The following ABCB5 variants were observed in gnomAD, a reference collection of about 807,000 sequenced individuals.
ABCB5 encodes ATP-binding cassette sub-family B member 5.
In ABCB5, 155 loss-of-function variants were observed where a neutral mutation model predicts 144.2. The ratio of observed to expected loss-of-function variants is 1.08; its 90% confidence interval spans 0.94 to 1.23. ABCB5 has a LOEUF of 1.23. Ranked by LOEUF, ABCB5 falls within the 50% of genes most tolerant of loss-of-function variation. ABCB5 has a pLI of 0.00. For synonymous variants in ABCB5, 610 were observed against 528.6 expected (o/e 1.15, Z -2.11); for missense variants, 1,830 against 1,520.8 (o/e 1.20, Z -3.38).
chr7:20,682,288 C>A (rs1307258117), intron 15 of ABCB5, among the ~76,000 whole-genome samples: 3 of 152,172 alleles, frequency 2.0e-5, no homozygotes, highest in Non-Finnish European at 2.9e-5. Context: ...ATATAACACA[C>A]AGTCTTTACT....
chr7:20,681,004 TTCTTTCTTTCTTTCTTTC>T lies in ABCB5; in HGVS notation c.1708-499_1708-482del, dbSNP rs1270518464. Among the ~76,000 whole-genome samples, 3 of 3,926 alleles carry T rather than the reference TTCTTTCTTTCTTTCTTTC, an allele frequency of 7.6e-4. No homozygotes were observed. The South Asian group carries it at 0.045, about 59-fold the overall frequency. The allele number at this position is 3,926 out of a possible 152,430, so 2.6% of individuals were successfully genotyped here. On this transcript the variant is annotated intron_variant, in intron 14 of 27. Coordinates refer to ENST00000404938, the MANE Select transcript of ABCB5 (RefSeq NM_001163941.2). ...TTTCTTTCTTTCTTTCTTTCTTTCT[TTCTTTCTTTCTTTCTTTC>T]TTTCTTTCTTTCTCTTTCTTTCTTT...
chr7:20,694,808 G>T (rs1200178176), intron 16 of ABCB5, among the ~76,000 whole-genome samples: 13 of 151,950 alleles, frequency 8.6e-5, no homozygotes, highest in Non-Finnish European at 1.9e-4. Flanking sequence ...CAAGTGGGAA[G>T]TGGGAAATTA....
At chr7:20,711,794 T>C (rs76787446) in intron 20 of ABCB5, among the ~76,000 whole-genome samples, 38,478 of 84,958 alleles carry the variant, frequency 0.45, 11,678 homozygotes, top group East Asian at 0.63. Flanking sequence ...CTTTCTTTCT[T>C]TCTTTCTTTC....
At chr7:20,624,490 G>A (rs1783865819) in intron 2 of ABCB5, among the ~76,000 whole-genome samples, 1 of 152,160 alleles carries the variant, frequency 6.6e-6, no homozygotes, top group African/African-American at 2.4e-5. Context: ...AAATTAGAAT[G>A]GGGAGGTGGT....
intron 16 of ABCB5, among the ~76,000 whole-genome samples, chr7:20,691,826 A>G (rs1023132441): frequency 1.3e-5 from 2 of 152,042 alleles, no homozygotes; most frequent in African/African-American, 4.8e-5. Flanking sequence ...GCTCAGTAAC[A>G]TTTACGAGAA....
intron 19 of ABCB5, among the ~76,000 whole-genome samples, chr7:20,703,725 A>G (rs1485284458): frequency 1.3e-5 from 2 of 152,218 alleles, no homozygotes; most frequent in African/African-American, 2.4e-5. Context: ...GGAAACATTC[A>G]ATAGCTATAA....
At chr7:20,677,507 T>C (rs969126282) in intron 14 of ABCB5, among the ~76,000 whole-genome samples, 1 of 152,148 alleles carries the variant, frequency 6.6e-6, no homozygotes, top group African/African-American at 2.4e-5. Flanking sequence ...GGCAGGTGGA[T>C]CACCTGAGGT....
chr7:20,624,222 T>C (rs1424051452), intron 2 of ABCB5, among the ~76,000 whole-genome samples: 5 of 152,196 alleles, frequency 3.3e-5, no homozygotes, highest in African/African-American at 1.2e-4. Flanking sequence ...GCATTACCTG[T>C]GGACTGACTA....
chr7:20,654,667 T>C (rs1242602563), intron 13 of ABCB5, among the ~76,000 whole-genome samples: 1 of 152,120 alleles, frequency 6.6e-6, no homozygotes, highest in Non-Finnish European at 1.5e-5. Context: ...TCTCAGACCA[T>C]AATATAAGTA....
At chr7:20,672,867 A>T (rs944575987) in intron 14 of ABCB5, among the ~76,000 whole-genome samples, 4 of 150,668 alleles carry the variant, frequency 2.7e-5, no homozygotes, top group Non-Finnish European at 5.9e-5. Flanking sequence ...CAGACTGTTG[A>T]CTCCATTGCG....
chr7:20,654,977 T>C (rs1448911043), intron 13 of ABCB5, among the ~76,000 whole-genome samples: 1 of 149,020 alleles, frequency 6.7e-6, no homozygotes, highest in Non-Finnish European at 1.5e-5. Flanking sequence ...GAAATTACAG[T>C]AGAAATCAGT....
intron 14 of ABCB5, among the ~76,000 whole-genome samples, chr7:20,662,357 C>T (rs1389413563): frequency 6.6e-5 from 10 of 152,268 alleles, no homozygotes; most frequent in Non-Finnish European, 1.3e-4. Context: ...ATTTATACTA[C>T]TTAGAGGACT....
intron 14 of ABCB5, among the ~76,000 whole-genome samples, chr7:20,673,655 A>G (rs550102817): frequency 6.6e-6 from 1 of 151,974 alleles, no homozygotes; most frequent in East Asian, 1.9e-4. Context: ...GTTTCTTTAT[A>G]TTTAAAATGT....
intron 23 of ABCB5, among the ~76,000 whole-genome samples, chr7:20,738,146 T>C (rs1239992105): frequency 6.6e-6 from 1 of 152,232 alleles, no homozygotes; most frequent in Non-Finnish European, 1.5e-5. Context: ...TACTGCCTAA[T>C]GTTTAAATAT....
At chr7:20,661,030 T>C (rs1372799077) in intron 14 of ABCB5, among the ~76,000 whole-genome samples, 1 of 152,240 alleles carries the variant, frequency 6.6e-6, no homozygotes, top group Non-Finnish European at 1.5e-5. Flanking sequence ...TCACTTGGAC[T>C]ATTGCAGTAG....
chr7:20,619,030 C>T (rs888828216), intron 1 of ABCB5, among the ~76,000 whole-genome samples: 5 of 152,042 alleles, frequency 3.3e-5, no homozygotes, highest in African/African-American at 4.8e-5. Context: ...CTACTTCGGC[C>T]TCCCAAACTG....
intron 27 of ABCB5, among the ~76,000 whole-genome samples, chr7:20,754,290 C>A (rs956180885): frequency 1.3e-5 from 2 of 152,144 alleles, no homozygotes; most frequent in Non-Finnish European, 2.9e-5. Context: ...CCCATGATTG[C>A]TGCTTGAAGA....
intron 20 of ABCB5, among the ~76,000 whole-genome samples, chr7:20,706,452 T>G (rs1018525306): frequency 2.6e-5 from 4 of 152,228 alleles, no homozygotes; most frequent in Non-Finnish European, 4.4e-5. Flanking sequence ...CCAACATTAC[T>G]GTCCTTACAT....
chr7:20,742,783 T>G (rs373695052), intron 24 of ABCB5, 94 bp from the exon 25 acceptor site: 25 of 1,243,732 alleles, frequency 2.0e-5, no homozygotes, highest in East Asian at 1.7e-4. Context: ...TCTGGAAACA[T>G]GCACAATTTT....
Sources: gnomAD v4.1 joint callset for allele counts (sites outside exome capture counted in the v4.1 genomes callset) on GRCh38, gnomAD v4.1.1 for gene constraint, MANE v1.5 for transcripts, NCBI Gene and HGNC (gene_info 2026-07-23, HGNC 2026-07-21) for gene names.